Variants in FOXP1 observed in about 807,000 individuals in gnomAD.
FOXP1 encodes the protein forkhead box protein P1.
A neutral mutation model predicts 98.2 loss-of-function variants in FOXP1; 15 were observed. The ratio of observed to expected loss-of-function variants is 0.15; its 90% CI spans 0.10 to 0.24. The LOEUF is 0.24. FOXP1 is among the 10% of genes least tolerant of loss of function. The pLI is 1.00. For synonymous variants in FOXP1, 371 were observed against 314.5 expected (o/e 1.18, Z -1.90); for missense variants, 633 against 848.5 (o/e 0.75, Z 3.15).
intron 4 of FOXP1, chr3:71,329,962 C>A (rs974271009): frequency 6.6e-6 from 1 of 152,120 alleles, no homozygotes; most frequent in African/African-American, 2.4e-5. Flanking sequence ...ATCCCAGCTA[C>A]TCAGAAGGCT....
intron 4 of FOXP1, among the ~76,000 whole-genome samples, chr3:71,342,733 CTCTT>C (rs1317681187): frequency 6.6e-6 from 1 of 151,010 alleles, no homozygotes. Context: ...TAAAATCTAC[CTCTT>C]TCTTTTTTTA....
rs188666960 is a variant in FOXP1, at chr3:71,564,272, T to C, written c.-298+17277A>G. Among the ~76,000 whole-genome samples, 14 of 152,376 alleles carry C rather than the reference T, an allele frequency of 9.2e-5. No homozygotes were observed. The East Asian group carries it at 2.3e-3, about 25-fold the overall frequency. On this transcript the variant is annotated intron_variant, in intron 2 of 20. Transcript: ENST00000649528. ...ATCTTTGCAAAGTTCTCATCCGTTA[T>C]CTGCCTTGGCTATTTAATGTGACTT...
At chr3:71,376,313 C>G (rs2079706740) in intron 3 of FOXP1, among the ~76,000 whole-genome samples, 1 of 152,074 alleles carries the variant, frequency 6.6e-6, no homozygotes, top group South Asian at 2.1e-4. Context: ...TGTACTGAAA[C>G]AATTTATTCT....
At chr3:71,143,150 T>C (rs989873174) in intron 6 of FOXP1, among the ~76,000 whole-genome samples, 2 of 152,212 alleles carry the variant, frequency 1.3e-5, no homozygotes, top group African/African-American at 4.8e-5. Flanking sequence ...AGTTTGAAAG[T>C]TGAAAAGCAC....
intron 6 of FOXP1, among the ~76,000 whole-genome samples, chr3:71,163,374 C>T (rs1225011134): frequency 6.6e-6 from 1 of 152,082 alleles, no homozygotes; most frequent in Non-Finnish European, 1.5e-5. Flanking sequence ...TTCTGGTCAC[C>T]CTTTCTACCC....
Position 71,291,375 on chromosome 3 carries a change from T to C in FOXP1, c.-12+8445A>G, listed in dbSNP as rs550841921. 9.8e-5 allele frequency among the ~76,000 whole-genome samples: 15 copies of C among 152,336 alleles called. No homozygotes were observed. In the East Asian group the frequency reaches 1.4e-3, roughly 14 times the overall value. On this transcript the variant is annotated intron_variant, in intron 5 of 20. Transcript: ENST00000649528. ...AAAAATTATCAAATATTTCATGTTC[T>C]TTTTTCCATACAAAGGCTTTGAAAT... is the stretch of plus-strand genomic sequence containing the variant.
intron 4 of FOXP1, among the ~76,000 whole-genome samples, chr3:71,348,760 C>T (rs551101421): frequency 2.6e-5 from 4 of 151,898 alleles, no homozygotes; most frequent in Non-Finnish European, 4.4e-5. Flanking sequence ...TAGGATTCAC[C>T]AAGTCTGGAA....
intron 5 of FOXP1, among the ~76,000 whole-genome samples, chr3:71,235,702 G>C (rs1213482459): frequency 1.3e-5 from 2 of 152,072 alleles, no homozygotes; most frequent in African/African-American, 4.8e-5. Context: ...AAGTAGTTGG[G>C]ACTAAAGGTG....
At chr3:71,507,054 G>A (rs2041876165) in intron 2 of FOXP1, among the ~76,000 whole-genome samples, 1 of 152,160 alleles carries the variant, frequency 6.6e-6, no homozygotes, top group South Asian at 2.1e-4. Context: ...GAACAACAGT[G>A]TCCCCGGCTG....
chr3:71,334,810 C>T (rs906576151), intron 4 of FOXP1: 1 of 152,148 alleles, frequency 6.6e-6, no homozygotes, highest in Non-Finnish European at 1.5e-5. Flanking sequence ...GAAGTTTAGA[C>T]AAAATGACTA....
At chr3:71,492,693 T>C (rs2091149245) in intron 3 of FOXP1, among the ~76,000 whole-genome samples, 1 of 152,198 alleles carries the variant, frequency 6.6e-6, no homozygotes, top group Non-Finnish European at 1.5e-5. Context: ...CCTCATCCAA[T>C]GGCAAGGCTA....
At chr3:71,466,032 C>T (rs62246055) in intron 3 of FOXP1, among the ~76,000 whole-genome samples, 43,603 of 151,960 alleles carry the variant, frequency 0.29, 6,599 homozygotes, top group Non-Finnish European at 0.33. Flanking sequence ...AACAAGTCCC[C>T]GGTGCCAAAA....
chr3:71,157,206 T>C (rs545512567), intron 6 of FOXP1, among the ~76,000 whole-genome samples: 71 of 152,224 alleles, frequency 4.7e-4, no homozygotes, highest in African/African-American at 1.6e-3. Flanking sequence ...TTCAAACATG[T>C]TTTTGGAGTG....
At chr3:71,000,845 A>G (rs1468065138) in intron 13 of FOXP1, 127 bp downstream of exon 13, 1 of 412,338 alleles carries the variant, frequency 2.4e-6, no homozygotes, top group Non-Finnish European at 4.4e-6. Flanking sequence ...AAAATAAAAT[A>G]AAGGACAATG....
chr3:71,314,092 A>G (rs1033917144), intron 4 of FOXP1, among the ~76,000 whole-genome samples: 2 of 152,076 alleles, frequency 1.3e-5, no homozygotes, highest in African/African-American at 4.8e-5. Context: ...ATGCATTGAC[A>G]TGTCATAAGT....
At chr3:71,379,270 G>A (rs1430203052) in intron 3 of FOXP1, among the ~76,000 whole-genome samples, 1 of 152,094 alleles carries the variant, frequency 6.6e-6, no homozygotes, top group Admixed American at 6.5e-5. Flanking sequence ...GAACCTCTAA[G>A]ATGATTTTAG....
At chr3:71,491,689 G>A (rs1341655838) in intron 3 of FOXP1, among the ~76,000 whole-genome samples, 1 of 152,168 alleles carries the variant, frequency 6.6e-6, no homozygotes, top group East Asian at 1.9e-4. Context: ...ACTGTGGCAG[G>A]AAGTGCCTTT....
At chr3:71,560,301 C>T (rs985366387) in intron 2 of FOXP1, among the ~76,000 whole-genome samples, 1 of 152,186 alleles carries the variant, frequency 6.6e-6, no homozygotes, top group African/African-American at 2.4e-5. Context: ...TGTTATCATC[C>T]TCACATCTTC....
chr3:71,005,523 A>G (rs1193986724), intron 12 of FOXP1, among the ~76,000 whole-genome samples: 1 of 152,020 alleles, frequency 6.6e-6, no homozygotes, highest in Non-Finnish European at 1.5e-5. Flanking sequence ...GGAAATGTAT[A>G]TCACCATAAA....
Sources: gnomAD v4.1 joint callset for allele counts (sites outside exome capture counted in the v4.1 genomes callset) on GRCh38, gnomAD v4.1.1 for gene constraint, MANE v1.5 for transcripts, NCBI Gene and HGNC (gene_info 2026-07-23, HGNC 2026-07-21) for gene names.